Variants in CDC16 observed in about 807,000 individuals in gnomAD.
The protein encoded by CDC16 is cell division cycle protein 16 homolog.
In CDC16, 34 loss-of-function variants were observed where a neutral mutation model predicts 87.0. The observed-to-expected ratio is 0.39, with a 90% CI of 0.30 to 0.52. The LOEUF (loss-of-function observed/expected upper bound fraction) is 0.52. Ranked by LOEUF, CDC16 falls within the 20% of genes least tolerant of loss-of-function variation. The pLI is 0.74. For missense variants in CDC16, 653 were observed against 751.9 expected (o/e 0.87, Z 1.54); for synonymous variants, 263 against 260.6 (o/e 1.01, Z -0.09).
chr13:114,236,505 C>T (rs1257932626), intron 1 of CDC16, 140 bp from the exon 2 acceptor site: 3 of 710,202 alleles, frequency 4.2e-6, no homozygotes, highest in Non-Finnish European at 5.8e-6. Context: ...AGAGATGTAA[C>T]AAATTGTTGT....
intron 10 of CDC16, 77 bp downstream of exon 10, chr13:114,246,126 C>T (rs1024472887): frequency 2.8e-5 from 18 of 641,282 alleles, no homozygotes; most frequent in Non-Finnish European, 3.9e-5. Context: ...CGTATTTAGA[C>T]AATAGCTTAA....
At chr13:114,255,969 T>C (rs1413426129) in intron 12 of CDC16, among the ~76,000 whole-genome samples, 5 of 152,222 alleles carry the variant, frequency 3.3e-5, no homozygotes, top group Non-Finnish European at 7.3e-5. Context: ...AGCAGTTCCC[T>C]GTGGGGTGTT....
Position 114,252,262 on chromosome 13 carries a change from C to G in CDC16, c.1097+1588C>G, listed in dbSNP as rs543712464. Among the ~76,000 whole-genome samples, 103 of 152,282 alleles carry G rather than the reference C, an allele frequency of 6.8e-4. 1 individual carries two copies. Among genetic ancestry groups the G allele is most frequent in the Non-Finnish European group, 1.1e-3 (77 of 68,022 alleles). ...TTACACTAGCCCTGTTGGAAAGGAGCCTTACACTAGCCCTGTTGGATAAGA... is the reference window on the plus strand; with the variant it reads ...TTACACTAGCCCTGTTGGAAAGGAGGCTTACACTAGCCCTGTTGGATAAGA... On this transcript the variant is annotated intron_variant, in intron 12 of 17. Coordinates refer to ENST00000356221, the MANE Select transcript of CDC16 (RefSeq NM_001078645.3).
At position 114,242,178 on chromosome 13, in the gene CDC16, A is replaced by T; in HGVS notation, c.439A>T (p.Thr147Ser). ...AATCTATGATGCTCTAGATAACCGA[A>T]CCCTGGCTACCTACAGCTACAAAGA... ...GKIYDALDNR[T>S]LATYSYKEAL... Residue 147 changes from threonine to serine, a missense_variant, in exon 6 of 18, where the codon ACC (threonine) becomes TCC (serine). Transcript: ENST00000356221. 1 of 1,614,018 alleles carries T rather than the reference A, an allele frequency of 6.2e-7. No homozygotes were observed. The highest frequency in any genetic ancestry group is 1.1e-5 in the South Asian group (1 of 91,022).
At chr13:114,244,995 A>C in intron 9 of CDC16, 26 bp downstream of exon 9, 2 of 1,334,304 alleles carry the variant, frequency 1.5e-6, no homozygotes, top group Non-Finnish European at 2.1e-6. Context: ...AAATTAAAGT[A>C]ATTCTTAGAC....
chr13:114,256,547 A>G (rs758995298), intron 12 of CDC16, among the ~76,000 whole-genome samples: 2 of 152,246 alleles, frequency 1.3e-5, no homozygotes, highest in African/African-American at 2.4e-5. Flanking sequence ...GACTCTGCCT[A>G]GAACTGTCTC....
rs2082127023 is a variant in CDC16 at position 114,250,734 on chromosome 13, A to G, written c.1097+60A>G. 1.1e-5 allele frequency: 17 copies of G among 1,541,670 alleles called. No individual in the cohort carries two copies. The South Asian group carries it at 1.5e-4, about 13-fold the overall frequency. ...GGATGTTTTTCCTAATAGAAATGAA[A>G]TTTCTATTACTATTACTGCTATTTG... On this transcript the variant is annotated intron_variant, in intron 12 of 17. Transcript: ENST00000356221.
At chr13:114,237,533 C>T (rs2081316965) in intron 3 of CDC16, among the ~76,000 whole-genome samples, 1 of 152,120 alleles carries the variant, frequency 6.6e-6, no homozygotes, top group African/African-American at 2.4e-5. Flanking sequence ...CTCAAGCAGT[C>T]CTCCCGCCTT....
chr13:114,254,703 GT>G (rs1292726975), intron 12 of CDC16, among the ~76,000 whole-genome samples: 2 of 152,110 alleles, frequency 1.3e-5, no homozygotes, highest in East Asian at 3.8e-4. Flanking sequence ...ATTTCTTCGT[GT>G]TGTAAACCAA....
chr13:114,272,546 C>T lies in CDC16; in HGVS notation c.*103C>T. The T allele has an allele frequency of 4.1e-6, 4 of 980,156 alleles. No homozygotes were observed. The highest frequency in any genetic ancestry group is 6.0e-6 in the Non-Finnish European group (4 of 664,174). The allele number at this position is 980,156 out of a possible 1,614,324, so 60.7% of individuals were successfully genotyped here. A position where few individuals can be genotyped will look rare whatever the true frequency, so the allele number is the denominator to read the frequency against. ...TCCCACTTCCTAACGTGACTCCAAA[C>T]TGCATCTCTACATTTAGGAACAGAG... is the stretch of plus-strand genomic sequence containing the variant. On this transcript the variant is annotated 3_prime_UTR_variant, in exon 18 of 18. Coordinates refer to ENST00000356221, the MANE Select transcript of CDC16 (RefSeq NM_001078645.3).
At chr13:114,238,869 T>TA (rs974039020) in intron 3 of CDC16, 121 bp from the exon 4 acceptor site, 5 of 1,298,782 alleles carry the variant, frequency 3.8e-6, no homozygotes, top group Admixed American at 5.8e-5. Context: ...ATTTTTTTTT[T>TA]AACTGCAAGA....
rs2139133670 is a variant in CDC16, at chr13:114,263,028, T to C, written c.1512+14T>C. The stretch of plus-strand genomic sequence containing the variant: ...TACTTCCACACAGTATGTCTTTTCT[T>C]TGTACCTAATTTTAAATCTGGTTAA... On this transcript the variant is annotated intron_variant, in intron 16 of 17. Transcript: ENST00000356221. The C allele has an allele frequency of 6.2e-7, 1 of 1,611,220 alleles. No individual in the cohort carries two copies. The highest frequency in any genetic ancestry group is 2.2e-5 in the East Asian group (1 of 44,844).
chr13:114,268,134 A>AG lies in CDC16; in HGVS notation c.1603+2902dup, dbSNP rs535209578. ...AAGGGTCCCGAGTTGGAAAAGGGAA[A>AG]GGGGGGGGAGTTCCCCTATGTAGAG... On this transcript the variant is annotated intron_variant, in intron 17 of 17. Coordinates refer to ENST00000356221, the MANE Select transcript of CDC16 (RefSeq NM_001078645.3). Among the ~76,000 whole-genome samples, 451 of 151,996 alleles carry AG rather than the reference A, an allele frequency of 3.0e-3. 2 individuals carry two copies. Among genetic ancestry groups the AG allele is most frequent in the African/African-American group, 0.01 (418 of 41,456 alleles).
chr13:114,234,965 C>A lies in CDC16; in HGVS notation c.-120C>A. The A allele has an allele frequency of 2.7e-6, 2 of 739,314 alleles. No homozygotes were observed. The highest frequency in any genetic ancestry group is 3.7e-6 in the Non-Finnish European group (2 of 539,708). 45.8% of individuals were successfully genotyped at this position (739,314 alleles called of 1,614,324 possible). A position where few individuals can be genotyped will look rare whatever the true frequency, so the allele number is the denominator to read the frequency against. ...CTGCGGCCTTCGAGTCCGCGGCCTT[C>A]GAGTCCTGGGGCGGCGGCGGCGGCT... On this transcript the variant is annotated 5_prime_UTR_variant, in exon 1 of 18. Coordinates refer to ENST00000356221, the MANE Select transcript of CDC16 (RefSeq NM_001078645.3).
intron 3 of CDC16, among the ~76,000 whole-genome samples, chr13:114,237,316 T>G (rs1048073183): frequency 6.6e-6 from 1 of 152,228 alleles, no homozygotes; most frequent in African/African-American, 2.4e-5. Flanking sequence ...TTTGTTTTTT[T>G]GAGGTCTCTC....
chr13:114,259,790 G>A (rs1428840926), intron 14 of CDC16, among the ~76,000 whole-genome samples: 10 of 152,270 alleles, frequency 6.6e-5, no homozygotes. Flanking sequence ...TATAGCAGCA[G>A]GTCCCACTTC....
chr13:114,259,644 G>A (rs1212944045), intron 14 of CDC16, among the ~76,000 whole-genome samples: 7 of 152,186 alleles, frequency 4.6e-5, no homozygotes, highest in African/African-American at 1.7e-4. Context: ...AAACGTGAGA[G>A]GCATCAGAAT....
intron 3 of CDC16, among the ~76,000 whole-genome samples, chr13:114,237,421 C>T (rs2081311180): frequency 1.3e-5 from 2 of 151,910 alleles, no homozygotes; most frequent in Admixed American, 6.6e-5. Flanking sequence ...TCCCTAATAG[C>T]TGGGACTACA....
At chr13:114,269,169 A>T (rs1279951409) in intron 17 of CDC16, among the ~76,000 whole-genome samples, 1 of 151,998 alleles carries the variant, frequency 6.6e-6, no homozygotes, top group Admixed American at 6.6e-5. Flanking sequence ...CTAAAATGGT[A>T]CCATTCTCCA....
Sources: allele counts gnomAD v4.1 joint callset (sites outside exome capture counted in the v4.1 genomes callset), GRCh38; gene constraint gnomAD v4.1.1; transcripts MANE v1.5; gene names NCBI Gene and HGNC (gene_info 2026-07-23, HGNC 2026-07-21).